Variants in GPRASP3 observed in about 807,000 individuals in gnomAD.
GPRASP3 encodes G protein-coupled receptor associated sorting protein 3.
the GPRASP3 span, chrX:102,747,716 G>A: frequency 8.9e-6 from 1 of 111,875 alleles, no homozygotes; most frequent in South Asian, 3.7e-4. Context: ...ATTTAACATA[G>A]CCTTGAATAT....
chrX:102,725,920 C>A, the GPRASP3 span, among the ~76,000 whole-genome samples: 1 of 111,529 alleles, frequency 9.0e-6, no homozygotes, highest in African/African-American at 3.3e-5. Context: ...TAACATAGAA[C>A]TAGTGTTGAG....
At chrX:102,734,603 C>T in the GPRASP3 span, among the ~76,000 whole-genome samples, 1 of 110,790 alleles carries the variant, frequency 9.0e-6, no homozygotes, top group Non-Finnish European at 1.9e-5. Context: ...GGCAACAGAG[C>T]GAGACTCTGT....
chrX:102,746,603 G>T, the GPRASP3 span, among the ~76,000 whole-genome samples: 3 of 112,393 alleles, frequency 2.7e-5, no homozygotes, highest in Non-Finnish European at 5.6e-5. Context: ...GAGGTGGGCC[G>T]CGTTCGCTAC....
chrX:102,720,771 G>C, the GPRASP3 span: 1 of 112,293 alleles, frequency 8.9e-6, no homozygotes, highest in Non-Finnish European at 1.9e-5. Flanking sequence ...AGAGGCGGAC[G>C]ACACCTGTGC....
At chrX:102,724,921 G>C in the GPRASP3 span, among the ~76,000 whole-genome samples, 3 of 110,896 alleles carry the variant, frequency 2.7e-5, no homozygotes, top group African/African-American at 9.8e-5. Context: ...TATAATAGAG[G>C]CTACTTCAGA....
chrX:102,741,623 T>C, the GPRASP3 span, among the ~76,000 whole-genome samples: 1 of 112,160 alleles, frequency 8.9e-6, no homozygotes, highest in Non-Finnish European at 1.9e-5. Flanking sequence ...AATGCAATAA[T>C]TGCTAAATCA....
chrX:102,722,909 T>C, the GPRASP3 span, among the ~76,000 whole-genome samples: 1 of 111,355 alleles, frequency 9.0e-6, no homozygotes, highest in East Asian at 2.8e-4. Flanking sequence ...TATGATCTAG[T>C]GTTCAGTAGC....
the GPRASP3 span, among the ~76,000 whole-genome samples, chrX:102,738,247 A>C: frequency 8.9e-6 from 1 of 112,387 alleles, no homozygotes; most frequent in Non-Finnish European, 1.9e-5. Flanking sequence ...AGAGGAGGAA[A>C]AAGAGGAAAA....
At chrX:102,745,675 C>T in the GPRASP3 span, among the ~76,000 whole-genome samples, 1 of 111,370 alleles carries the variant, frequency 9.0e-6, no homozygotes, top group African/African-American at 3.3e-5. Flanking sequence ...GCAGACACAC[C>T]AAGGGGCGGT....
the GPRASP3 span, chrX:102,749,561 A>G: frequency 8.3e-7 from 1 of 1,211,522 alleles, no homozygotes; most frequent in Non-Finnish European, 1.1e-6. Flanking sequence ...TTTGACCCTA[A>G]TCCTAAACCT....
the GPRASP3 span, chrX:102,748,744 C>T: frequency 3.5e-6 from 1 of 287,421 alleles, no homozygotes; most frequent in Non-Finnish European, 6.2e-6. Context: ...TGTTGGAAGA[C>T]CATCACCTTC....
chrX:102,723,870 C>T, the GPRASP3 span, among the ~76,000 whole-genome samples: 4 of 111,129 alleles, frequency 3.6e-5, no homozygotes, highest in Admixed American at 9.6e-5. Flanking sequence ...TAATAAAACC[C>T]CAGTGAAAAC....
At chrX:102,739,646 C>T in the GPRASP3 span, among the ~76,000 whole-genome samples, 8 of 111,483 alleles carry the variant, frequency 7.2e-5, no homozygotes, top group Non-Finnish European at 1.1e-4. Context: ...GAGTGAAGCA[C>T]TATGCAGGCA....
chrX:102,749,692 T>C, the GPRASP3 span: 1 of 1,210,914 alleles, frequency 8.3e-7, no homozygotes, highest in Non-Finnish European at 1.1e-6. Flanking sequence ...TGTGTTAGGA[T>C]TTAGATCCCA....
chrX:102,737,231 T>G, the GPRASP3 span, among the ~76,000 whole-genome samples: 1 of 112,650 alleles, frequency 8.9e-6, no homozygotes, highest in Non-Finnish European at 1.9e-5. Context: ...ATAGTGTTCC[T>G]AAGAAAATCC....
At chrX:102,727,163 G>GT in the GPRASP3 span, among the ~76,000 whole-genome samples, 1 of 112,557 alleles carries the variant, frequency 8.9e-6, no homozygotes. Flanking sequence ...TCCAATGATT[G>GT]TAAGTACTGA....
At chrX:102,752,957 AT>A in the GPRASP3 span, 1 of 118,222 alleles carries the variant, frequency 8.5e-6, no homozygotes, top group East Asian at 2.9e-4. Context: ...TATTTTTTGT[AT>A]TTTTAGTAGA....
the GPRASP3 span, chrX:102,749,845 G>A: frequency 8.3e-7 from 1 of 1,207,567 alleles, no homozygotes; most frequent in Non-Finnish European, 1.1e-6. Context: ...GTGTCGTTTT[G>A]ATTCTGACCC....
the GPRASP3 span, among the ~76,000 whole-genome samples, chrX:102,728,537 A>G: frequency 1.9e-5 from 2 of 107,649 alleles, no homozygotes; most frequent in Non-Finnish European, 3.8e-5. Context: ...GATGTTCAGC[A>G]GAAAAGAAGC....
Sources: allele counts gnomAD v4.1 joint callset (sites outside exome capture counted in the v4.1 genomes callset), GRCh38; gene constraint gnomAD v4.1.1; transcripts MANE v1.5; gene names NCBI Gene and HGNC (gene_info 2026-07-23, HGNC 2026-07-21).